TNXB: variants seen among roughly 807,000 people sequenced by gnomAD.
TNXB encodes the protein tenascin-X.
Under a neutral mutation model 340.5 loss-of-function variants are expected in TNXB, and 183 were observed. The observed-to-expected ratio is 0.54, with a 90% CI of 0.48 to 0.61. The LOEUF is 0.61. TNXB is among the 20% of genes least tolerant of loss of function. The probability of loss-of-function intolerance (pLI) is 0.00; values close to 1 mark genes in which losing one functional copy is unlikely to be tolerated. For missense variants in TNXB, 4,613 were observed against 5,446.4 expected (o/e 0.85, Z 4.82); for synonymous variants, 2,121 against 2,314.5 (o/e 0.92, Z 2.40).
Position 32,073,654 on chromosome 6 carries a change from G to T in TNXB, c.4674C>A (p.Ile1558=), listed in dbSNP as rs774206941. The T allele has an allele frequency of 1.2e-6, 2 of 1,606,042 alleles. No homozygotes were observed. The highest frequency in any genetic ancestry group is 2.2e-5 in the East Asian group (1 of 44,800). ...GQRMGPLSVV[I]VTAPLPPAPA... is the part of the protein sequence containing the mutation. ...AGTCCCCCCATTACTCACCCGTCACGATGACCACAGACAGGGGGCCCATGC... is the reference window on the plus strand; with the variant it reads ...AGTCCCCCCATTACTCACCCGTCACTATGACCACAGACAGGGGGCCCATGC... Residue 1558 remains isoleucine (I), a synonymous_variant, in exon 12 of 44, where the codon ATC becomes ATA. Coordinates refer to ENST00000644971, the MANE Select transcript of TNXB (RefSeq NM_001365276.2). The surrounding 1 kb of genome is among the most constrained non-coding windows in gnomAD (Gnocchi z 4.6).
intron 24 of TNXB, 130 bp downstream of exon 24, chr6:32,055,721 C>A: frequency 7.4e-7 from 1 of 1,353,080 alleles, no homozygotes; most frequent in Non-Finnish European, 9.9e-7. Flanking sequence ...CCCCAATCTG[C>A]CTCTTAGCAA....
chr6:32,095,211 A>G lies in TNXB; in HGVS notation c.2243-20T>C, dbSNP rs1780263914. 1 of 1,544,496 alleles carries G rather than the reference A, an allele frequency of 6.5e-7. No homozygotes were observed. The highest frequency in any genetic ancestry group is 1.2e-5 in the South Asian group (1 of 83,618). ...GCACCTCTGCCCAAGAGAATGGGTT[A>G]GGGAAAGCTGGTTAGCACAAGGCAA... On this transcript the variant is annotated intron_variant, in intron 3 of 43. Coordinates refer to ENST00000644971, the MANE Select transcript of TNXB (RefSeq NM_001365276.2).
chr6:32,044,045 G>A lies in TNXB; in HGVS notation c.11348C>T (p.Ala3783Val), dbSNP rs774724727. 4.7e-5 allele frequency: 73 copies of A among 1,558,226 alleles called. No individual in the cohort carries two copies. The highest frequency in any genetic ancestry group is 2.0e-4 in the African/African-American group (14 of 69,474). Residue 3783 changes from alanine to valine, a missense_variant, in exon 34 of 44, where the codon GCG (alanine) becomes GTG (valine). Coordinates refer to ENST00000644971, the MANE Select transcript of TNXB (RefSeq NM_001365276.2). ...CTGGTAGGAGACTTTGAAGCTGTCC[G>A]CCCGGGATGGTGGGGGCATCCAGTT... ...KVNWMPPPSRADSFKVSYQLA... is the reference protein window; with the variant it reads ...KVNWMPPPSRVDSFKVSYQLA...
At chr6:32,088,655 G>T in intron 6 of TNXB, 130 bp downstream of exon 6, 1 of 1,334,696 alleles carries the variant, frequency 7.5e-7, no homozygotes, top group Admixed American at 2.3e-5. Context: ...CCCCCAGCAG[G>T]TGCCTCGAGA....
chr6:32,085,682 G>T lies in TNXB; in HGVS notation c.3148+68C>A. 3.4e-6 allele frequency: 5 copies of T among 1,458,186 alleles called. No individual in the cohort carries two copies. The highest frequency in any genetic ancestry group is 4.5e-6 in the Non-Finnish European group (5 of 1,102,374). 90.3% of individuals were successfully genotyped at this position (1,458,186 alleles called of 1,614,324 possible). On this transcript the variant is annotated intron_variant, in intron 7 of 43. Coordinates refer to ENST00000644971, the MANE Select transcript of TNXB (RefSeq NM_001365276.2). This position sits in a 1 kb window ranked among gnomAD's most constrained non-coding sequence, Gnocchi z 6.4. ...GCCCCTCAATATCCATCCTACCTCTGAAGTCCCAATAACCCCAGCTCCTCC... is the reference window on the plus strand; with the variant it reads ...GCCCCTCAATATCCATCCTACCTCTTAAGTCCCAATAACCCCAGCTCCTCC...
Position 32,043,779 on chromosome 6 carries a change from TCTC to T in TNXB, c.11497_11499del (p.Glu3833del). 6.2e-7 allele frequency: 1 copy of T among 1,613,392 alleles called. No individual in the cohort carries two copies. The highest frequency in any genetic ancestry group is 8.5e-7 in the Non-Finnish European group (1 of 1,179,990). ...GTGAGGAAGCCTGTGAGAGGCTCAC[TCTC>T]CTCAAAGCCTCGGACCGAGACCACG... On this transcript the variant is annotated inframe_deletion, in exon 35 of 44. Transcript: ENST00000644971.
At chr6:32,065,861 G>A (rs1392130112) in intron 18 of TNXB, among the ~76,000 whole-genome samples, 1 of 151,986 alleles carries the variant, frequency 6.6e-6, no homozygotes, top group Non-Finnish European at 1.5e-5. Context: ...TGTTGGTCAG[G>A]CTGGTCTTGA....
Position 32,043,058 on chromosome 6 carries a change from C to T in TNXB, c.11818G>A (p.Glu3940Lys). Reference protein sequence around the residue: ...TTGLEAPRDLEAKEVTPRTAL... With the variant: ...TTGLEAPRDLKAKEVTPRTAL... ...GTGCGGGGGGTCACTTCCTTGGCCTCCAAGTCCCGAGGGGCCTCTAGCCCT... is the reference window on the plus strand; with the variant it reads ...GTGCGGGGGGTCACTTCCTTGGCCTTCAAGTCCCGAGGGGCCTCTAGCCCT... Residue 3940 changes from glutamate to lysine, a missense_variant, in exon 38 of 44, where the codon GAG (glutamate) becomes AAG (lysine). Coordinates refer to ENST00000644971, the MANE Select transcript of TNXB (RefSeq NM_001365276.2). The T allele has an allele frequency of 9.8e-6, 2 of 203,330 alleles. No homozygotes were observed. The highest frequency in any genetic ancestry group is 3.0e-5 in the South Asian group (1 of 33,398). The allele number at this position is 203,330 out of a possible 1,614,324, so 12.6% of individuals were successfully genotyped here.
At position 32,056,659 on chromosome 6, in the gene TNXB, A is replaced by G. The variant is rs560175290; in HGVS notation, c.8070T>C (p.His2690=). 7.9e-5 allele frequency: 128 copies of G among 1,613,032 alleles called. No individual in the cohort carries two copies. In the South Asian group the frequency reaches 1.3e-3, roughly 16 times the overall value. ...GVTISGLEPD[H]KYKMNLYGFH... ...AGCCGTACAGGTTCATCTTGTATTT[A>G]TGGTCTGGCTCCAGGCCTGAGATGG... Residue 2690 remains histidine (H), a synonymous_variant, in exon 23 of 44, where the codon CAT becomes CAC. Coordinates refer to ENST00000644971, the MANE Select transcript of TNXB (RefSeq NM_001365276.2).
Position 32,055,933 on chromosome 6 carries a change from C to A in TNXB, c.8385G>T (p.Glu2795Asp), listed in dbSNP as rs1450052639. The A allele has an allele frequency of 6.2e-7, 1 of 1,613,552 alleles. No homozygotes were observed. Among genetic ancestry groups the A allele is most frequent in the Non-Finnish European group, 8.5e-7 (1 of 1,179,896 alleles). ...EESEVTVGGL[E>D]PGRKYKMHLY... ...GGTGCATCTTGTATTTGCGCCCGGGCTCCAGGCCCCCCACGGTGACCTCGC... is the reference window on the plus strand; with the variant it reads ...GGTGCATCTTGTATTTGCGCCCGGGATCCAGGCCCCCCACGGTGACCTCGC... The change falls in exon 24 of 44, where the codon GAG becomes GAT. Residue 2795 changes from glutamate (E) to aspartate (D), a missense_variant. Glu to Asp is a conservative substitution (Grantham distance 45). Around this residue, in one of 7 missense-constraint regions of TNXB, gnomAD observed 4,327 missense variants for 4,859.4 expected, o/e 0.89. Coordinates refer to ENST00000644971, the MANE Select transcript of TNXB (RefSeq NM_001365276.2).
At chr6:32,056,200 T>C in intron 23 of TNXB, 26 bp from the exon 24 acceptor site, 1 of 1,598,028 alleles carries the variant, frequency 6.3e-7, no homozygotes, top group Non-Finnish European at 8.5e-7. Context: ...ATAGAGAGGA[T>C]GCCAGGTGCC....
rs912971706 is a variant in TNXB, at chr6:32,081,075, T to C, written c.4042+293A>G. On this transcript the variant is annotated intron_variant, in intron 10 of 43. Coordinates refer to ENST00000644971, the MANE Select transcript of TNXB (RefSeq NM_001365276.2). This position sits in a 1 kb window ranked among gnomAD's most constrained non-coding sequence, Gnocchi z 5.1. Reference sequence around the variant, plus strand: ...AGTGACCGAATGGTGAGGACATCTGTGGGGAGGACAGCCCCAGGTGGAAGG... The same window carrying C: ...AGTGACCGAATGGTGAGGACATCTGCGGGGAGGACAGCCCCAGGTGGAAGG... 4.0e-5 allele frequency among the ~76,000 whole-genome samples: 6 copies of C among 151,820 alleles called. No homozygotes were observed. The highest frequency in any genetic ancestry group is 1.3e-4 in the Admixed American group (2 of 15,244).
At chr6:32,100,143 C>T (rs1467080072) in intron 1 of TNXB, among the ~76,000 whole-genome samples, 1 of 150,436 alleles carries the variant, frequency 6.6e-6, no homozygotes, top group Non-Finnish European at 1.5e-5. Context: ...CTTGCTCTGT[C>T]GCCCAGAGTG....
chr6:32,081,241 G>T lies in TNXB; in HGVS notation c.4042+127C>A. On this transcript the variant is annotated intron_variant, in intron 10 of 43. Coordinates refer to ENST00000644971, the MANE Select transcript of TNXB (RefSeq NM_001365276.2). This position sits in a 1 kb window ranked among gnomAD's most constrained non-coding sequence, Gnocchi z 5.1. The stretch of plus-strand genomic sequence containing the variant: ...GGACAGGAGAGCAGTGCGGGAGGAA[G>T]TGGGTGGAGGCTTTGGCAAAATGAG... 1.1e-6 allele frequency: 1 copy of T among 892,268 alleles called. No individual in the cohort carries two copies. Among genetic ancestry groups the T allele is most frequent in the Non-Finnish European group, 1.7e-6 (1 of 592,544 alleles). 55.3% of individuals were successfully genotyped at this position (892,268 alleles called of 1,614,324 possible).
Position 32,074,758 on chromosome 6 carries a change from G to A in TNXB, c.4376-806C>T, listed in dbSNP as rs970824094. 6.6e-6 allele frequency among the ~76,000 whole-genome samples: 1 copy of A among 152,048 alleles called. No homozygotes were observed. The highest frequency in any genetic ancestry group is 1.5e-5 in the Non-Finnish European group (1 of 68,010). On this transcript the variant is annotated intron_variant, in intron 11 of 43. Coordinates refer to ENST00000644971, the MANE Select transcript of TNXB (RefSeq NM_001365276.2). The surrounding 1 kb of genome is among the most constrained non-coding windows in gnomAD (Gnocchi z 5.5). The stretch of plus-strand genomic sequence containing the variant: ...TGCGATGGCGCCCTCTCGGCTCACC[G>A]CAACCTACGCCTCCTGGGTTCAAGC...
chr6:32,082,440 T>C lies in TNXB; in HGVS notation c.3446-114A>G. ...GTGCAGGTTGTTCACTGCACAAAAGTGCATTTGCTGAGGGAGTACAGAGGG... is the reference window on the plus strand; with the variant it reads ...GTGCAGGTTGTTCACTGCACAAAAGCGCATTTGCTGAGGGAGTACAGAGGG... On this transcript the variant is annotated intron_variant, in intron 8 of 43. Transcript: ENST00000644971. This position sits in a 1 kb window ranked among gnomAD's most constrained non-coding sequence, Gnocchi z 5.0. The C allele has an allele frequency of 8.9e-7, 1 of 1,118,298 alleles. No individual in the cohort carries two copies. Among genetic ancestry groups the C allele is most frequent in the African/African-American group, 1.6e-5 (1 of 64,494 alleles). 69.3% of individuals were successfully genotyped at this position (1,118,298 alleles called of 1,614,324 possible). A position where few individuals can be genotyped will look rare whatever the true frequency, so the allele number is the denominator to read the frequency against.
At position 32,050,253 on chromosome 6, in the gene TNXB, G is replaced by A. The variant is rs774380743; in HGVS notation, c.9184C>T (p.Arg3062Cys). The A allele has an allele frequency of 1.9e-5, 30 of 1,613,622 alleles. No individual in the cohort carries two copies. The highest frequency in any genetic ancestry group is 7.7e-5 in the South Asian group (7 of 91,076). ...TMTPEPPIKP[R>C]LGELTVTDAT... ...TCTGTCACGGTCAGCTCCCCCAGGC[G>A]AGGCTTGATGGGGGGCTCAGGGGTC... is the stretch of plus-strand genomic sequence containing the variant. The change falls in exon 27 of 44, where the codon CGC (arginine) becomes TGC (cysteine). Residue 3062 changes from arginine (R) to cysteine (C), a missense_variant. Physicochemically the swap from Arg to Cys is radical, Grantham distance 180 (BLOSUM62 -3). Transcript: ENST00000644971.
rs1346030010 is a variant in TNXB, at chr6:32,087,903, T to G, written c.2779+882A>C. On this transcript the variant is annotated intron_variant, in intron 6 of 43. Transcript: ENST00000644971. This position sits in a 1 kb window ranked among gnomAD's most constrained non-coding sequence, Gnocchi z 9.0. The stretch of plus-strand genomic sequence containing the variant: ...CTGGCCTCGAGGGCCAAGGGGGCCG[T>G]GGGGGCCGCGGGGCTGGGGCTGGCC... 2.2e-4 allele frequency: 24 copies of G among 108,040 alleles called. No individual in the cohort carries two copies. The highest frequency in any genetic ancestry group is 6.7e-4 in the South Asian group (6 of 9,000). The allele number at this position is 108,040 out of a possible 1,614,324, so 6.7% of individuals were successfully genotyped here. A position where few individuals can be genotyped will look rare whatever the true frequency, so the allele number is the denominator to read the frequency against.
At position 32,049,639 on chromosome 6, in the gene TNXB, G is replaced by T; in HGVS notation, c.9440-52C>A. ...GTGAGGGGGATGTCCTTGGGTCCTG[G>T]GGAAAAGGAGGGAGAAGCCAAGGCT... On this transcript the variant is annotated intron_variant, in intron 27 of 43. Coordinates refer to ENST00000644971, the MANE Select transcript of TNXB (RefSeq NM_001365276.2). This position sits in a 1 kb window ranked among gnomAD's most constrained non-coding sequence, Gnocchi z 4.5. 6.4e-7 allele frequency: 1 copy of T among 1,562,348 alleles called. No homozygotes were observed. The highest frequency in any genetic ancestry group is 1.2e-5 in the South Asian group (1 of 85,874).
Sources: gnomAD v4.1 joint callset for allele counts (sites outside exome capture counted in the v4.1 genomes callset) on GRCh38, gnomAD v4.1.1 for gene constraint, gnomAD v4.1.1 regional missense constraint, Gnocchi (gnomAD v3.1) non-coding constraint, MANE v1.5 for transcripts, NCBI Gene and HGNC (gene_info 2026-07-23, HGNC 2026-07-21) for gene names.